Variants in SYCP2 observed in about 807,000 individuals in gnomAD.
SYCP2 encodes synaptonemal complex lateral element protein.
In SYCP2, 55 loss-of-function variants were observed where a neutral mutation model predicts 211.3. That is an observed-to-expected ratio of 0.26 (90% CI 0.21 to 0.33). The LOEUF (loss-of-function observed/expected upper bound fraction) is 0.33, where lower values mean the gene tolerates loss of function less well. SYCP2 is among the 10% of genes least tolerant of loss of function. The pLI, the probability that SYCP2 is intolerant of heterozygous loss-of-function variation, is 1.00. For missense variants in SYCP2, 1,731 were observed against 1,752.0 expected, an observed-to-expected ratio of 0.99 and a Z score of 0.21; for synonymous variants, 570 against 555.2, an observed-to-expected ratio of 1.03 and a Z score of -0.37.
chr20:59,915,304 A>G, intron 9 of SYCP2, 105 bp from the exon 10 acceptor site: 4 of 1,053,804 alleles, frequency 3.8e-6, no homozygotes, highest in Non-Finnish European at 5.7e-6. Flanking sequence ...CAATTGGCTA[A>G]TATCATCGAC....
rs1335151603 is a variant in SYCP2 at position 59,863,674 on chromosome 20, C to A, written c.*637G>T. 1.3e-5 allele frequency: 2 copies of A among 151,890 alleles called. No individual in the cohort carries two copies. The highest frequency in any genetic ancestry group is 2.9e-5 in the Non-Finnish European group (2 of 67,884). The allele number at this position is 151,890 out of a possible 1,614,324, so 9.4% of individuals were successfully genotyped here. ...TTAATCTAGCAAGATATTACAATGA[C>A]TACTAGATTAAAAGTATTTGTCAAA... On this transcript the variant is annotated 3_prime_UTR_variant, in exon 45 of 45. Transcript: ENST00000357552.
At chr20:59,869,034 T>C (rs41304425) in intron 36 of SYCP2, 109 bp from the exon 37 acceptor site, 17,241 of 704,426 alleles carry the variant, frequency 0.024, 292 homozygotes, top group Non-Finnish European at 0.033. Flanking sequence ...CTGTCAATTC[T>C]TTCTCAGATT....
At chr20:59,906,441 C>A (rs2060215127) in intron 15 of SYCP2, among the ~76,000 whole-genome samples, 1 of 151,944 alleles carries the variant, frequency 6.6e-6, no homozygotes, top group East Asian at 1.9e-4. Flanking sequence ...CCAAAGAAAT[C>A]CAATGGAAAA....
At chr20:59,915,694 G>T in intron 8 of SYCP2, 144 bp from the exon 9 acceptor site, 1 of 587,634 alleles carries the variant, frequency 1.7e-6, no homozygotes, top group Non-Finnish European at 3.0e-6. Context: ...ATGGAGGAAA[G>T]AATATATAAA....
intron 24 of SYCP2, among the ~76,000 whole-genome samples, chr20:59,887,393 A>G (rs896931375): frequency 2.0e-5 from 3 of 152,150 alleles, no homozygotes; most frequent in African/African-American, 7.2e-5. Flanking sequence ...AATCCAGTCT[A>G]TCATTGAGGG....
chr20:59,901,721 C>T lies in SYCP2; in HGVS notation c.1123G>A (p.Asp375Asn). 3 of 1,606,534 alleles carry T rather than the reference C, an allele frequency of 1.9e-6. No individual in the cohort carries two copies. The highest frequency in any genetic ancestry group is 2.7e-5 in the African/African-American group (2 of 74,504). ...ACATTAGTGATTTCTAGTGATGCGTCAAAATACAAAAGCAATTCTTTCCCT... is the reference window on the plus strand; with the variant it reads ...ACATTAGTGATTTCTAGTGATGCGTTAAAATACAAAAGCAATTCTTTCCCT... ...REGKELLLYFDASLEITNVTQ... is the reference protein window; with the variant it reads ...REGKELLLYFNASLEITNVTQ... Residue 375 changes from aspartate (D) to asparagine (N), a missense_variant, in exon 16 of 45, where the codon GAC becomes AAC. This residue lies in a region of SYCP2 where 1,387 missense variants were observed against 1,351.3 expected (regional missense o/e 1.03). Transcript: ENST00000357552.
At chr20:59,869,680 G>A (rs2059413090) in intron 36 of SYCP2, 118 bp downstream of exon 36, 4 of 559,788 alleles carry the variant, frequency 7.1e-6, no homozygotes, top group Non-Finnish European at 1.2e-5. Flanking sequence ...CAGATTTTCA[G>A]GTAATAACAG....
At chr20:59,925,539 A>C (rs2145896737) in intron 2 of SYCP2, among the ~76,000 whole-genome samples, 1 of 152,216 alleles carries the variant, frequency 6.6e-6, no homozygotes, top group East Asian at 1.9e-4. Flanking sequence ...GTTATCAGTT[A>C]ATGTAAACAT....
In SYCP2 at chr20:59,919,111, TA is replaced by T. The variant is rs751759389; in HGVS notation, c.427+46del. On this transcript the variant is annotated intron_variant, in intron 7 of 44. Transcript: ENST00000357552. ...GAATTGTAAAATTATACTAAAACTCTAACAGTAAAATTTATTGTTCCAATAG... is the reference window on the plus strand; with the variant it reads ...GAATTGTAAAATTATACTAAAACTCTACAGTAAAATTTATTGTTCCAATAG... 8.0e-6 allele frequency: 8 copies of T among 1,005,478 alleles called. No homozygotes were observed. In the East Asian group the frequency reaches 2.1e-4, roughly 26 times the overall value. 62.3% of individuals were successfully genotyped at this position (1,005,478 alleles called of 1,614,324 possible).
intron 18 of SYCP2, among the ~76,000 whole-genome samples, chr20:59,897,589 G>C (rs907470562): frequency 6.6e-6 from 1 of 151,946 alleles, no homozygotes; most frequent in Non-Finnish European, 1.5e-5. Flanking sequence ...ACATGATTCT[G>C]ATATAAAGAC....
chr20:59,931,051 T>C (rs953780071), intron 2 of SYCP2, among the ~76,000 whole-genome samples: 8 of 152,252 alleles, frequency 5.3e-5, no homozygotes, highest in Admixed American at 4.6e-4. Context: ...ATTCAAAGAT[T>C]ACCAGTCCAT....
intron 36 of SYCP2, 77 bp from the exon 37 acceptor site, chr20:59,869,002 CA>C (rs2059401593): frequency 5.0e-6 from 5 of 995,122 alleles, no homozygotes; most frequent in South Asian, 1.6e-5. Context: ...TTCTCAAACC[CA>C]AAAACCAATA....
In SYCP2 at chr20:59,873,915, C is replaced by G. The variant is rs988166473; in HGVS notation, c.3496G>C (p.Glu1166Gln). The G allele has an allele frequency of 6.2e-7, 1 of 1,613,172 alleles. No homozygotes were observed. Among genetic ancestry groups the G allele is most frequent in the East Asian group, 2.2e-5 (1 of 44,818 alleles). The change falls in exon 35 of 45, where the codon GAG (glutamate) becomes CAG (glutamine). Residue 1166 changes from glutamate to glutamine, a missense_variant. Glu to Gln is a conservative substitution (Grantham distance 29, BLOSUM62 2). This residue lies in a region of SYCP2 where 1,387 missense variants were observed against 1,351.3 expected (regional missense o/e 1.03). Coordinates refer to ENST00000357552, the MANE Select transcript of SYCP2 (RefSeq NM_014258.4). Reference protein sequence around the residue: ...GGTIKSPKNNEKNFLCASESC... With the variant: ...GGTIKSPKNNQKNFLCASESC... ...TCACTTGCACACAGGAAGTTTTTCT[C>G]ATTGTTTTTGGGTGACTTTATTGTA...
chr20:59,917,890 G>C (rs2060472617), intron 7 of SYCP2, among the ~76,000 whole-genome samples: 1 of 152,176 alleles, frequency 6.6e-6, no homozygotes, highest in Non-Finnish European at 1.5e-5. Context: ...CGAACTAAAT[G>C]CAACTCACTG....
At chr20:59,908,152 G>A (rs2060246633) in intron 14 of SYCP2, among the ~76,000 whole-genome samples, 1 of 152,196 alleles carries the variant, frequency 6.6e-6, no homozygotes, top group South Asian at 2.1e-4. Context: ...AGGAGGCTGA[G>A]GCAGGAGAAT....
chr20:59,885,341 G>A (rs141806801), intron 26 of SYCP2, among the ~76,000 whole-genome samples: 1 of 152,154 alleles, frequency 6.6e-6, no homozygotes, highest in African/African-American at 2.4e-5. Context: ...AATGCTAGAG[G>A]CAAAGAAAAT....
In SYCP2 at chr20:59,914,889, TATTAAGCTATTAA is replaced by T. The variant is rs1568974521; in HGVS notation, c.634+263_634+275del. On this transcript the variant is annotated intron_variant, in intron 10 of 44. Coordinates refer to ENST00000357552, the MANE Select transcript of SYCP2 (RefSeq NM_014258.4). ...TTAAGCTTTATTAATTAAGCTATTA[TATTAAGCTATTAA>T]ATTAAGCTATTAATTTAAGCTATTA... Among the ~76,000 whole-genome samples the T allele has an allele frequency of 4.6e-5, 7 of 151,972 alleles. No individual in the cohort carries two copies. The South Asian group carries it at 1.0e-3, about 22-fold the overall frequency.
Position 59,867,696 on chromosome 20 carries a change from T to G in SYCP2, c.4125+15A>C, listed in dbSNP as rs1311404660. The G allele has an allele frequency of 1.9e-6, 3 of 1,595,090 alleles. No individual in the cohort carries two copies. In the African/African-American group the frequency reaches 4.0e-5, roughly 21 times the overall value. ...ATATTATTGGGTATAAATCATAATTTAAAGAATAACTCACATTATTCCTTC... is the reference window on the plus strand; with the variant it reads ...ATATTATTGGGTATAAATCATAATTGAAAGAATAACTCACATTATTCCTTC... On this transcript the variant is annotated intron_variant, in intron 39 of 44. Transcript: ENST00000357552.
At chr20:59,917,398 CTT>C (rs1568978253) in intron 7 of SYCP2, among the ~76,000 whole-genome samples, 2 of 152,020 alleles carry the variant, frequency 1.3e-5, no homozygotes, top group African/African-American at 4.8e-5. Context: ...TTAAAAATAA[CTT>C]TAAACAATGG....
Sources: gnomAD v4.1 joint callset for allele counts (sites outside exome capture counted in the v4.1 genomes callset) on GRCh38, gnomAD v4.1.1 for gene constraint, gnomAD v4.1.1 regional missense constraint, MANE v1.5 for transcripts, NCBI Gene and HGNC (gene_info 2026-07-23, HGNC 2026-07-21) for gene names.